The following SETX variants were observed in gnomAD, a reference collection of about 807,000 sequenced individuals.
SETX encodes helicase senataxin.
SETX carries 90 observed loss-of-function variants against 227.2 expected under a neutral mutation model. The observed-to-expected ratio is 0.40, with a 90% CI of 0.33 to 0.47. SETX has a LOEUF of 0.47. Among genes scored for constraint, SETX ranks in the 20% least tolerant of loss-of-function variants. The pLI is 0.91. For missense variants in SETX, 3,052 were observed against 3,181.5 expected (o/e 0.96, Z 0.98); for synonymous variants, 1,210 against 1,113.2 (o/e 1.09, Z -1.73).
chr9:132,332,004 T>C (rs1847266812), intron 7 of SETX, among the ~76,000 whole-genome samples: 1 of 152,240 alleles, frequency 6.6e-6, no homozygotes, highest in Non-Finnish European at 1.5e-5. Context: ...AAGGCAAAGA[T>C]ACACTCTTCA....
rs1303663807 is a variant in SETX, at chr9:132,298,237, AC to A, written c.5623del (p.Val1875Ter). On this transcript the variant is annotated frameshift_variant, in exon 13 of 26. Coordinates refer to ENST00000224140, the MANE Select transcript of SETX (RefSeq NM_015046.7). LOFTEE classifies it high-confidence loss of function. ...ENFPANLNEL[V>X]NCIVISSLVT... The stretch of plus-strand genomic sequence containing the variant: ...CAGAGAACTGATTACAATACAATTC[AC>A]AAGTTCGTTTAAATTGGCCGGAAAG... The A allele has an allele frequency of 6.2e-7, 1 of 1,614,012 alleles. No homozygotes were observed. The highest frequency in any genetic ancestry group is 1.3e-5 in the African/African-American group (1 of 74,926).
intron 11 of SETX, among the ~76,000 whole-genome samples, chr9:132,302,153 C>T (rs545096843): frequency 2.3e-4 from 35 of 150,486 alleles, no homozygotes; most frequent in African/African-American, 5.1e-4. Context: ...GTCAGGAGAT[C>T]GAGAACATCC....
rs1564507402 is a variant in SETX at position 132,300,644 on chromosome 9, CGAAATTTAT to C, written c.5525_5533del (p.His1842_Phe1844del). On this transcript the variant is annotated inframe_deletion, in exon 12 of 26. Coordinates refer to ENST00000224140, the MANE Select transcript of SETX (RefSeq NM_015046.7). ...TATTTACTTACTGACTGACGTGCGG[CGAAATTTAT>C]GAACATAACCAGAATGATATTCGTG... is the stretch of plus-strand genomic sequence containing the variant. 2 of 1,613,502 alleles carry C rather than the reference CGAAATTTAT, an allele frequency of 1.2e-6. No homozygotes were observed. The highest frequency in any genetic ancestry group is 2.2e-5 in the South Asian group (2 of 91,060).
Position 132,336,328 on chromosome 9 carries a change from T to A in SETX, c.686A>T (p.Tyr229Phe), listed in dbSNP as rs1358044736. 1 of 1,613,752 alleles carries A rather than the reference T, an allele frequency of 6.2e-7. No individual in the cohort carries two copies. Among genetic ancestry groups the A allele is most frequent in the African/African-American group, 1.3e-5 (1 of 74,944 alleles). The stretch of plus-strand genomic sequence containing the variant: ...ATAGCTTTTGTAGTTGGTAGTATCA[T>A]ACATGTGTGAGGGCAGAAGAATCAG... ...GKLILLPSHMYDTTNYKSYWL... is the reference protein window; with the variant it reads ...GKLILLPSHMFDTTNYKSYWL... The change falls in exon 6 of 26, where the codon TAT becomes TTT. Residue 229 changes from tyrosine to phenylalanine, a missense_variant. Physicochemically the swap from Tyr to Phe is conservative, Grantham distance 22 (BLOSUM62 3). Transcript: ENST00000224140.
chr9:132,299,528 T>C (rs1844862577), intron 12 of SETX, among the ~76,000 whole-genome samples: 1 of 152,246 alleles, frequency 6.6e-6, no homozygotes, highest in South Asian at 2.1e-4. Context: ...CCTGTTATAA[T>C]GCAGTACAAT....
At chr9:132,340,270 G>A (rs1424222425) in intron 5 of SETX, among the ~76,000 whole-genome samples, 1 of 151,900 alleles carries the variant, frequency 6.6e-6, no homozygotes, top group Non-Finnish European at 1.5e-5. Context: ...TGGTTCTCAC[G>A]TTTTCTAGTT....
chr9:132,283,293 C>G lies in SETX; in HGVS notation c.6517G>C (p.Val2173Leu), dbSNP rs771101284. 2 of 1,614,000 alleles carry G rather than the reference C, an allele frequency of 1.2e-6. No homozygotes were observed. The highest frequency in any genetic ancestry group is 1.7e-6 in the Non-Finnish European group (2 of 1,180,000). Residue 2173 changes from valine (V) to leucine (L), a missense_variant, in exon 19 of 26, where the codon GTC (valine) becomes CTC (leucine). Transcript: ENST00000224140. ...LESAFRGQGGVPFSCVIVDEA... is the reference protein window; with the variant it reads ...LESAFRGQGGLPFSCVIVDEA... ...TCAACAATGACACAGCTGAAGGGGA[C>G]ACCCCCTTGCCCACGGAAAGCAGAC...
At position 132,276,602 on chromosome 9, in the gene SETX, C is replaced by T. The variant is rs145763859; in HGVS notation, c.6935+458G>A. On this transcript the variant is annotated intron_variant, in intron 22 of 25. Coordinates refer to ENST00000224140, the MANE Select transcript of SETX (RefSeq NM_015046.7). ...CATTGCTGCTTCTAGCAACACCACT[C>T]CTCTTTGCTGTCATATACAGACCAC... Among the ~76,000 whole-genome samples, 34 of 152,306 alleles carry T rather than the reference C, an allele frequency of 2.2e-4. No individual in the cohort carries two copies. The East Asian group carries it at 5.2e-3, about 23-fold the overall frequency.
In SETX at chr9:132,326,757, A is replaced by C. The variant is rs1846809207; in HGVS notation, c.4841T>G (p.Leu1614Trp). 1 of 1,614,234 alleles carries C rather than the reference A, an allele frequency of 6.2e-7. No individual in the cohort carries two copies. The highest frequency in any genetic ancestry group is 2.2e-5 in the East Asian group (1 of 44,890). Reference protein sequence around the residue: ...TSRIAGLSKSLETSSALSPSL... With the variant: ...TSRIAGLSKSWETSSALSPSL... ...CGGTGAAAGTGCTGAAGAAGTTTCC[A>C]AAGATTTAGAAAGACCAGCAATTCG... Residue 1614 changes from leucine (L) to tryptophan (W), a missense_variant, in exon 10 of 26, where the codon TTG becomes TGG. By Grantham distance (61) the Leu-to-Trp change is moderately conservative. Around this residue, in one of 10 missense-constraint regions of SETX, gnomAD observed 1,483 missense variants for 1,312.0 expected, o/e 1.13. Coordinates refer to ENST00000224140, the MANE Select transcript of SETX (RefSeq NM_015046.7).
At chr9:132,322,594 C>G (rs1008714247) in intron 10 of SETX, among the ~76,000 whole-genome samples, 2 of 152,162 alleles carry the variant, frequency 1.3e-5, no homozygotes, top group African/African-American at 4.8e-5. Context: ...ATTGTATGAA[C>G]AGACCTGTTT....
intron 11 of SETX, among the ~76,000 whole-genome samples, chr9:132,303,810 C>T (rs1211675191): frequency 1.3e-5 from 2 of 152,110 alleles, no homozygotes; most frequent in Non-Finnish European, 2.9e-5. Context: ...CTACTACACA[C>T]CCGTCTGAAT....
At chr9:132,318,671 C>T (rs551225442) in intron 10 of SETX, among the ~76,000 whole-genome samples, 1 of 152,234 alleles carries the variant, frequency 6.6e-6, no homozygotes, top group Admixed American at 6.5e-5. Context: ...CTTTCAAGAA[C>T]CAAGCAATCC....
rs149302286 is a variant in SETX, at chr9:132,347,802, G to A, written c.178-1331C>T. On this transcript the variant is annotated intron_variant, in intron 3 of 25. Coordinates refer to ENST00000224140, the MANE Select transcript of SETX (RefSeq NM_015046.7). ...CTTGTGGTATAAAAGACGCTGGATA[G>A]CTTCATAATTAGAAAACTTTATAAA... 2.3e-3 allele frequency among the ~76,000 whole-genome samples: 345 copies of A among 152,116 alleles called. 2 individuals carry two copies. Among genetic ancestry groups the A allele is most frequent in the East Asian group, 0.02 (106 of 5,186 alleles).
intron 18 of SETX, among the ~76,000 whole-genome samples, chr9:132,284,822 G>C (rs1843745297): frequency 6.6e-6 from 1 of 151,640 alleles, no homozygotes; most frequent in South Asian, 2.1e-4. Context: ...TCATCCTAAA[G>C]CTCATACAGG....
intron 19 of SETX, 106 bp downstream of exon 19, chr9:132,283,158 T>C (rs953969795): frequency 4.6e-6 from 6 of 1,313,858 alleles, no homozygotes; most frequent in African/African-American, 3.0e-5. Context: ...GAAAATCAGA[T>C]GCAAAAAAAA....
chr9:132,270,939 G>A (rs926215112), intron 24 of SETX, among the ~76,000 whole-genome samples: 3 of 152,122 alleles, frequency 2.0e-5, no homozygotes, highest in African/African-American at 7.2e-5. Context: ...CCCAGGGAGG[G>A]GCAAAGATTA....
intron 10 of SETX, among the ~76,000 whole-genome samples, chr9:132,315,182 G>A (rs1404223392): frequency 1.3e-5 from 2 of 152,138 alleles, no homozygotes; most frequent in Non-Finnish European, 2.9e-5. Flanking sequence ...CTTCCCAAGT[G>A]TTGGGATTAC....
intron 24 of SETX, among the ~76,000 whole-genome samples, chr9:132,271,114 G>C (rs1564470523): frequency 1.3e-5 from 2 of 152,140 alleles, no homozygotes; most frequent in Non-Finnish European, 2.9e-5. Flanking sequence ...CAGTAGTTAA[G>C]GTGAACAAAT....
In SETX at chr9:132,264,934, T is replaced by G; in HGVS notation, c.7339A>C (p.Ile2447Leu). 1 of 1,614,188 alleles carries G rather than the reference T, an allele frequency of 6.2e-7. No homozygotes were observed. Residue 2447 changes from isoleucine (I) to leucine (L), a missense_variant, in exon 26 of 26, where the codon ATT becomes CTT. Ile to Leu is a conservative substitution (Grantham distance 5, BLOSUM62 2). Around this residue, in one of 10 missense-constraint regions of SETX, gnomAD observed 412 missense variants for 589.0 expected, o/e 0.70. Coordinates refer to ENST00000224140, the MANE Select transcript of SETX (RefSeq NM_015046.7). ...TAGTTTTTGTCACAGGTCTTAATAA[T>G]GGCACCACGCTTCTGAGCATCCTGA... ...LIQDAQKRGA[I>L]IKTCDKNYRH...
Sources: gnomAD v4.1 joint callset for allele counts (sites outside exome capture counted in the v4.1 genomes callset) on GRCh38, gnomAD v4.1.1 for gene constraint, gnomAD v4.1.1 regional missense constraint, MANE v1.5 for transcripts, NCBI Gene and HGNC (gene_info 2026-07-23, HGNC 2026-07-21) for gene names.